The following HACE1 variants were observed in gnomAD, a reference collection of about 807,000 sequenced individuals.
HACE1 encodes HECT domain and ankyrin repeat containing E3 ubiquitin protein ligase 1, also known as E3 ubiquitin-protein ligase HACE1.
Under a neutral mutation model 118.4 loss-of-function variants are expected in HACE1, and 73 were observed. That is an observed-to-expected ratio of 0.62 (90% confidence interval 0.51 to 0.75). The LOEUF is 0.75. Ranked by LOEUF, HACE1 falls within the 30% of genes least tolerant of loss-of-function variation. The pLI is 0.00. For synonymous variants in HACE1, 368 were observed against 374.8 expected, an observed-to-expected ratio of 0.98 and a Z score of 0.21; for missense variants, 749 against 1,102.2, an observed-to-expected ratio of 0.68 and a Z score of 4.54.
At chr6:104,737,824 C>G (rs1017676593) in intron 22 of HACE1, among the ~76,000 whole-genome samples, 9 of 152,216 alleles carry the variant, frequency 5.9e-5, no homozygotes, top group African/African-American at 9.6e-5. Flanking sequence ...GTGGAGCCCA[C>G]CACAGCTCAA....
intron 11 of HACE1, among the ~76,000 whole-genome samples, chr6:104,790,701 A>G (rs1782939524): frequency 6.6e-6 from 1 of 152,198 alleles, no homozygotes; most frequent in Non-Finnish European, 1.5e-5. Context: ...GCTGCAGTCA[A>G]CCATGATTGT....
chr6:104,839,383 G>A (rs966160526), intron 5 of HACE1, among the ~76,000 whole-genome samples: 2 of 152,154 alleles, frequency 1.3e-5, no homozygotes, highest in African/African-American at 4.8e-5. Context: ...ACCTAGATAA[G>A]TCTCCAAGGA....
intron 10 of HACE1, among the ~76,000 whole-genome samples, chr6:104,794,220 G>T (rs1334516124): frequency 6.6e-6 from 1 of 152,078 alleles, no homozygotes; most frequent in East Asian, 1.9e-4. Context: ...TCCTTAGCTT[G>T]GTACCTGCTT....
intron 7 of HACE1, among the ~76,000 whole-genome samples, chr6:104,802,834 G>A (rs1770531417): frequency 6.6e-6 from 1 of 152,148 alleles, no homozygotes; most frequent in African/African-American, 2.4e-5. Context: ...ACATTCAAAA[G>A]CTAGCAGAAG....
At chr6:104,762,622 A>G (rs1779500893) in intron 19 of HACE1, among the ~76,000 whole-genome samples, 1 of 152,124 alleles carries the variant, frequency 6.6e-6, no homozygotes, top group Non-Finnish European at 1.5e-5. Flanking sequence ...TGGGTGCCAC[A>G]AACCACCATG....
intron 17 of HACE1, among the ~76,000 whole-genome samples, chr6:104,772,399 A>C (rs1272919362): frequency 1.3e-5 from 2 of 152,268 alleles, no homozygotes; most frequent in East Asian, 3.9e-4. Flanking sequence ...ATACACATAC[A>C]CATACACACA....
intron 5 of HACE1, 76 bp from the exon 6 acceptor site, chr6:104,833,249 C>A: frequency 7.5e-7 from 1 of 1,327,280 alleles, no homozygotes; most frequent in Admixed American, 1.7e-5. Flanking sequence ...AATGTTATTT[C>A]TCAGCTGGGC....
Position 104,729,570 on chromosome 6 carries a change from G to A in HACE1, c.*92C>T, listed in dbSNP as rs776748476. The A allele has an allele frequency of 1.8e-5, 14 of 765,006 alleles. No homozygotes were observed. Among genetic ancestry groups the A allele is most frequent in the Non-Finnish European group, 3.1e-5 (13 of 415,446 alleles). 47.4% of individuals were successfully genotyped at this position (765,006 alleles called of 1,614,324 possible). On this transcript the variant is annotated 3_prime_UTR_variant, in exon 24 of 24. Transcript: ENST00000262903. ...GAAGCATCAGCCCTGCCTATGGGTT[G>A]CATTTAGGCTGCTTTTTTGTTGACA...
intron 17 of HACE1, among the ~76,000 whole-genome samples, chr6:104,773,871 T>A (rs1439296909): frequency 6.6e-6 from 1 of 151,844 alleles, no homozygotes; most frequent in Non-Finnish European, 1.5e-5. Flanking sequence ...TATGATAAAT[T>A]TTAAGTTCAA....
intron 19 of HACE1, among the ~76,000 whole-genome samples, chr6:104,764,448 A>C (rs1222289782): frequency 6.6e-6 from 1 of 152,202 alleles, no homozygotes; most frequent in Non-Finnish European, 1.5e-5. Flanking sequence ...TCTAGGAATG[A>C]GGAGTCATTC....
chr6:104,759,630 A>G (rs1779107446), intron 19 of HACE1, among the ~76,000 whole-genome samples: 1 of 152,302 alleles, frequency 6.6e-6, no homozygotes, highest in Non-Finnish European at 1.5e-5. Context: ...TAACATCACA[A>G]TTGAAAGAAC....
chr6:104,838,547 C>A (rs978113123), intron 5 of HACE1, among the ~76,000 whole-genome samples: 6 of 151,952 alleles, frequency 3.9e-5, no homozygotes, highest in African/African-American at 1.4e-4. Context: ...TTGCCATATA[C>A]AAAAATCAAA....
chr6:104,842,461 T>A (rs1189542923), intron 5 of HACE1: 1 of 151,924 alleles, frequency 6.6e-6, no homozygotes, highest in African/African-American at 2.4e-5. Context: ...AAAGTTTTTT[T>A]TTTTTTTAAC....
At chr6:104,769,044 CTTTTT>C (rs1780339546) in intron 19 of HACE1, among the ~76,000 whole-genome samples, 2 of 150,108 alleles carry the variant, frequency 1.3e-5, no homozygotes, top group Admixed American at 1.3e-4. Flanking sequence ...ATTTTTTTTT[CTTTTT>C]TAAGTGATAG....
chr6:104,820,167 C>A (rs1213492007), intron 6 of HACE1, among the ~76,000 whole-genome samples: 3 of 149,408 alleles, frequency 2.0e-5, no homozygotes, highest in African/African-American at 7.4e-5. Flanking sequence ...TGCACTCCAG[C>A]CTGGGCAACA....
At chr6:104,807,546 C>G (rs1205843550) in intron 7 of HACE1, among the ~76,000 whole-genome samples, 1 of 152,012 alleles carries the variant, frequency 6.6e-6, no homozygotes, top group East Asian at 1.9e-4. Context: ...ACAGAAAATA[C>G]CTGAAAACCA....
intron 19 of HACE1, among the ~76,000 whole-genome samples, chr6:104,761,107 A>C (rs1779309254): frequency 6.6e-6 from 1 of 152,228 alleles, no homozygotes; most frequent in African/African-American, 2.4e-5. Context: ...CAATATCATA[A>C]AAATGGCCTT....
At position 104,831,980 on chromosome 6, in the gene HACE1, GA is replaced by G. The variant is rs1220662736; in HGVS notation, c.534+1061del. Among the ~76,000 whole-genome samples the G allele has an allele frequency of 1.2e-3, 75 of 62,930 alleles. 1 individual carries two copies. Among genetic ancestry groups the G allele is most frequent in the Middle Eastern group, 8.3e-3 (1 of 120 alleles). The allele number at this position is 62,930 out of a possible 152,430, so 41.3% of individuals were successfully genotyped here. A position where few individuals can be genotyped will look rare whatever the true frequency, so the allele number is the denominator to read the frequency against. ...GAAGAGAAGAGAAGAGAAGAGAAGA[GA>G]GGAAGGAAGGAAGGAAGGAAGGAAG... On this transcript the variant is annotated intron_variant, in intron 6 of 23. Transcript: ENST00000262903.
intron 10 of HACE1, among the ~76,000 whole-genome samples, chr6:104,794,740 C>T (rs1234920497): frequency 6.6e-6 from 1 of 152,118 alleles, no homozygotes; most frequent in African/African-American, 2.4e-5. Context: ...CCCATCTCTA[C>T]TGAAAATACA....
Sources: allele counts gnomAD v4.1 joint callset (sites outside exome capture counted in the v4.1 genomes callset), GRCh38; gene constraint gnomAD v4.1.1; transcripts MANE v1.5; gene names NCBI Gene and HGNC (gene_info 2026-07-23, HGNC 2026-07-21).